The following ABCC5 variants were observed in gnomAD, a reference collection of about 807,000 sequenced individuals.
ABCC5 encodes the protein ATP binding cassette subfamily C member 5, also known as ATP-binding cassette sub-family C member 5.
A neutral mutation model predicts 160.9 loss-of-function variants in ABCC5; 61 were observed. The ratio of observed to expected loss-of-function variants is 0.38; its 90% CI spans 0.31 to 0.47. The LOEUF (loss-of-function observed/expected upper bound fraction) is 0.47. ABCC5 is among the 20% of genes least tolerant of loss of function. The pLI, the probability that ABCC5 is intolerant of heterozygous loss-of-function variation, is 0.99. For synonymous variants in ABCC5, 666 were observed against 700.6 expected, an observed-to-expected ratio of 0.95 and a Z score of 0.78; for missense variants, 1,308 against 1,813.3, an observed-to-expected ratio of 0.72 and a Z score of 5.06.
Position 183,977,511 on chromosome 3 carries a change from A to G in ABCC5, c.1404+6T>C, listed in dbSNP as rs374913650. 1.2e-5 allele frequency: 19 copies of G among 1,605,810 alleles called. No individual in the cohort carries two copies. Among genetic ancestry groups the G allele is most frequent in the Non-Finnish European group, 1.5e-5 (18 of 1,172,750 alleles). ...TGACACGGGGGCAGGGGAAGGAGCC[A>G]CTTACCTTAAATCTGTCAACAGCCA... On this transcript the variant is annotated splice_donor_region_variant and intron_variant, in intron 10 of 29. Coordinates refer to ENST00000334444, the MANE Select transcript of ABCC5 (RefSeq NM_005688.4).
At chr3:183,965,075 A>C in intron 14 of ABCC5, 110 bp downstream of exon 14, 1 of 1,105,842 alleles carries the variant, frequency 9.0e-7, no homozygotes, top group Non-Finnish European at 1.3e-6. Flanking sequence ...ATGACAGCCT[A>C]ACTCCCTGTG....
chr3:183,996,883 G>A (rs1021692785), intron 2 of ABCC5, among the ~76,000 whole-genome samples: 4 of 152,110 alleles, frequency 2.6e-5, no homozygotes, highest in African/African-American at 7.2e-5. Flanking sequence ...TTTCCTAAAC[G>A]TTTTCCCAAA....
At position 183,978,393 on chromosome 3, in the gene ABCC5, A is replaced by G. The variant is rs1718410018; in HGVS notation, c.1296+110T>C. The G allele has an allele frequency of 1.1e-5, 15 of 1,326,748 alleles. No individual in the cohort carries two copies. The South Asian group carries it at 2.1e-4, about 18-fold the overall frequency. 82.2% of individuals were successfully genotyped at this position (1,326,748 alleles called of 1,614,324 possible). ...CCCCAGGCTGGAGTGCAATGGCATG[A>G]TCTTGGCTCACTGTAACCTCCACCA... On this transcript the variant is annotated intron_variant, in intron 9 of 29. Coordinates refer to ENST00000334444, the MANE Select transcript of ABCC5 (RefSeq NM_005688.4).
intron 25 of ABCC5, among the ~76,000 whole-genome samples, chr3:183,940,530 C>T (rs12054261): frequency 0.053 from 7,958 of 150,368 alleles, 331 homozygotes; most frequent in East Asian, 0.17. Flanking sequence ...GTTACTGGCC[C>T]CTTTCCCAGA....
intron 11 of ABCC5, among the ~76,000 whole-genome samples, chr3:183,968,061 A>G (rs1438817159): frequency 6.6e-6 from 1 of 151,976 alleles, no homozygotes; most frequent in Admixed American, 6.6e-5. Flanking sequence ...CTGCTAACCC[A>G]TGTTCTTCAT....
At chr3:183,983,116 G>A in intron 5 of ABCC5, 109 bp from the exon 6 acceptor site, 1 of 1,071,212 alleles carries the variant, frequency 9.3e-7, no homozygotes, top group Non-Finnish European at 1.4e-6. Context: ...AGGGACCAGT[G>A]CGCAAGCAAA....
chr3:183,964,541 A>G (rs1461416929), intron 14 of ABCC5, among the ~76,000 whole-genome samples: 1 of 152,244 alleles, frequency 6.6e-6, no homozygotes, highest in Admixed American at 6.5e-5. Context: ...TGTTTCTAAC[A>G]AGTTCCCAGA....
At position 183,943,598 on chromosome 3, in the gene ABCC5, C is replaced by T. The variant is rs140370925; in HGVS notation, c.3505-682G>A. Among the ~76,000 whole-genome samples the T allele has an allele frequency of 9.3e-4, 141 of 152,318 alleles. 1 individual carries two copies. The highest frequency in any genetic ancestry group is 3.2e-3 in the African/African-American group (135 of 41,566). On this transcript the variant is annotated intron_variant, in intron 24 of 29. Transcript: ENST00000334444. Reference sequence around the variant, plus strand: ...ATATCTCATGATCTTTTAAAACTCTCTGGCAATTGGCCATGGAGTATATAG... The same window carrying T: ...ATATCTCATGATCTTTTAAAACTCTTTGGCAATTGGCCATGGAGTATATAG...
Position 183,951,520 on chromosome 3 carries a change from G to A in ABCC5, c.2865C>T (p.Ile955=). 1.2e-6 allele frequency: 2 copies of A among 1,614,218 alleles called. No homozygotes were observed. Among genetic ancestry groups the A allele is most frequent in the East Asian group, 2.2e-5 (1 of 44,872 alleles). ...SRLHDELFRR[I]LRSPMKFFDT... Reference sequence around the variant, plus strand: ...CAAAAAACTTCATAGGGCTTCGAAGGATCCTTCGGAAAAGCTCGTCATGCA... The same window carrying A: ...CAAAAAACTTCATAGGGCTTCGAAGAATCCTTCGGAAAAGCTCGTCATGCA... The change falls in exon 20 of 30, where the codon ATC becomes ATT. Residue 955 remains isoleucine, a synonymous_variant. Coordinates refer to ENST00000334444, the MANE Select transcript of ABCC5 (RefSeq NM_005688.4). The surrounding 1 kb of genome is among the most constrained non-coding windows in gnomAD (Gnocchi z 4.7).
At chr3:183,985,549 A>G (rs529481705) in intron 5 of ABCC5, 1 of 739,022 alleles carries the variant, frequency 1.4e-6, no homozygotes, top group East Asian at 2.5e-5. Flanking sequence ...CAGAGTTAGC[A>G]TTCACCAAGA....
Position 183,927,354 on chromosome 3 carries a change from A to G in ABCC5, c.4023T>C (p.Ala1341=). 1.2e-6 allele frequency: 2 copies of G among 1,613,370 alleles called. No individual in the cohort carries two copies. Among genetic ancestry groups the G allele is most frequent in the Non-Finnish European group, 1.7e-6 (2 of 1,179,656 alleles). ...CCTTACAGTGGCGGAGCAGGGCTCT[A>G]GCTATGCACAAGAGCTGCCGTTCCC... ...SVGERQLLCI[A]RALLRHCKIL... Residue 1341 remains alanine, a synonymous_variant, in exon 28 of 30, where the codon GCT becomes GCC. Coordinates refer to ENST00000334444, the MANE Select transcript of ABCC5 (RefSeq NM_005688.4).
chr3:183,958,701 G>A lies in ABCC5; in HGVS notation c.2482+1032C>T, dbSNP rs577641283. Among the ~76,000 whole-genome samples the A allele has an allele frequency of 4.6e-5, 7 of 151,494 alleles. No homozygotes were observed. The South Asian group carries it at 6.3e-4, about 14-fold the overall frequency. On this transcript the variant is annotated intron_variant, in intron 17 of 29. Transcript: ENST00000334444. Reference sequence around the variant, plus strand: ...CTCACTCGGTCCCCCAGGCTGGAGCGCAGTGGCTCACCTCGGCCTCCCAAG... The same window carrying A: ...CTCACTCGGTCCCCCAGGCTGGAGCACAGTGGCTCACCTCGGCCTCCCAAG...
intron 26 of ABCC5, among the ~76,000 whole-genome samples, chr3:183,929,544 G>A (rs1371625557): frequency 6.6e-6 from 1 of 152,080 alleles, no homozygotes; most frequent in East Asian, 1.9e-4. Flanking sequence ...TTGAGTATGG[G>A]GCTCCAGGAC....
chr3:183,967,550 A>T (rs1047898204), intron 12 of ABCC5, 145 bp downstream of exon 12: 2 of 699,676 alleles, frequency 2.9e-6, no homozygotes, highest in Admixed American at 3.9e-5. Context: ...ACTGGGGGGA[A>T]CTGCGGGGGA....
At position 183,927,394 on chromosome 3, in the gene ABCC5, T is replaced by C. The variant is rs1712691857; in HGVS notation, c.3983A>G (p.Asp1328Gly). The change falls in exon 28 of 30, where the codon GAT becomes GGT. Residue 1328 changes from aspartate to glycine, a missense_variant. By Grantham distance (94) the Asp-to-Gly change is moderately conservative. Transcript: ENST00000334444. ...CTGCCGTTCCCCCACTGAGAAGTTA[T>C]CCCCATTCTCCATCACTTCAGATTC... ...KLESEVMENGDNFSVGERQLL... is the reference protein window; with the variant it reads ...KLESEVMENGGNFSVGERQLL... 6.2e-7 allele frequency: 1 copy of C among 1,613,738 alleles called. No homozygotes were observed. Among genetic ancestry groups the C allele is most frequent in the Non-Finnish European group, 8.5e-7 (1 of 1,179,892 alleles).
At chr3:184,012,014 A>AACAAACACACACACAC (rs1553790988) in intron 2 of ABCC5, among the ~76,000 whole-genome samples, 2 of 145,380 alleles carry the variant, frequency 1.4e-5, no homozygotes, top group African/African-American at 2.5e-5. Context: ...CATAGAACAC[A>AACAAACACACACACAC]ACACACACAC....
chr3:184,001,635 C>T (rs888087217), intron 2 of ABCC5, among the ~76,000 whole-genome samples: 1 of 152,122 alleles, frequency 6.6e-6, no homozygotes, highest in Admixed American at 6.5e-5. Context: ...ACAGGATAGC[C>T]CCCACAACAA....
intron 2 of ABCC5, among the ~76,000 whole-genome samples, chr3:184,004,594 T>C (rs111769307): frequency 2.7e-4 from 41 of 151,696 alleles, no homozygotes; most frequent in African/African-American, 8.0e-4. Flanking sequence ...AAATGCTTAG[T>C]ACAAGGCTTT....
intron 2 of ABCC5, among the ~76,000 whole-genome samples, chr3:184,001,579 C>T (rs1720744872): frequency 6.6e-6 from 1 of 152,152 alleles, no homozygotes; most frequent in Admixed American, 6.5e-5. Flanking sequence ...GTGCTACTAG[C>T]TCTAGCAGGT....
Sources: allele counts gnomAD v4.1 joint callset (sites outside exome capture counted in the v4.1 genomes callset), GRCh38; gene constraint gnomAD v4.1.1; non-coding constraint Gnocchi (gnomAD v3.1); transcripts MANE v1.5; gene names NCBI Gene and HGNC (gene_info 2026-07-23, HGNC 2026-07-21).